The following PRKCB variants were observed in gnomAD, a reference collection of about 807,000 sequenced individuals.
PRKCB encodes the protein protein kinase C beta type.
A neutral mutation model predicts 81.5 loss-of-function variants in PRKCB; 13 were observed. That is an observed-to-expected ratio of 0.16 (90% CI 0.10 to 0.25). The LOEUF is 0.25. PRKCB is among the 10% of genes least tolerant of loss of function. PRKCB has a pLI of 1.00. For missense variants in PRKCB, 509 were observed against 875.7 expected (o/e 0.58, Z 5.29); for synonymous variants, 335 against 321.4 (o/e 1.04, Z -0.45).
intron 2 of PRKCB, among the ~76,000 whole-genome samples, chr16:23,931,937 A>G (rs1276593764): frequency 6.6e-6 from 1 of 152,216 alleles, no homozygotes; most frequent in Non-Finnish European, 1.5e-5. Flanking sequence ...ATATAATTTC[A>G]GTAATTATCA....
At chr16:24,163,695 G>A (rs1351601762) in intron 10 of PRKCB, among the ~76,000 whole-genome samples, 1 of 152,258 alleles carries the variant, frequency 6.6e-6, no homozygotes, top group African/African-American at 2.4e-5. Context: ...GGAAAGTTGT[G>A]TGTGAACACA....
chr16:23,951,259 C>T (rs191378457), intron 2 of PRKCB, among the ~76,000 whole-genome samples: 1 of 152,258 alleles, frequency 6.6e-6, no homozygotes, highest in Admixed American at 6.5e-5. Flanking sequence ...CACGTGGTTG[C>T]CAATACTGGG....
intron 5 of PRKCB, among the ~76,000 whole-genome samples, chr16:24,089,350 T>C (rs1321320233): frequency 6.6e-6 from 1 of 152,158 alleles, no homozygotes; most frequent in Non-Finnish European, 1.5e-5. Context: ...TTATGCACAC[T>C]AAGGTTTAAG....
At chr16:23,974,517 G>T (rs1481948272) in intron 2 of PRKCB, among the ~76,000 whole-genome samples, 1 of 152,182 alleles carries the variant, frequency 6.6e-6, no homozygotes, top group Non-Finnish European at 1.5e-5. Context: ...CAGGACTGAG[G>T]CAGGCCGACT....
chr16:24,124,859 C>T (rs532850929), intron 9 of PRKCB, among the ~76,000 whole-genome samples: 7 of 152,142 alleles, frequency 4.6e-5, no homozygotes, highest in Non-Finnish European at 1.0e-4. Context: ...TTCCTGGCCA[C>T]CGCCCCCCAC....
At chr16:23,899,957 G>A (rs1963444321) in intron 2 of PRKCB, among the ~76,000 whole-genome samples, 1 of 152,116 alleles carries the variant, frequency 6.6e-6, no homozygotes, top group African/African-American at 2.4e-5. Context: ...AAAGTGCAGG[G>A]ATTACAGTTA....
chr16:24,078,326 G>A (rs1278012920), intron 5 of PRKCB, among the ~76,000 whole-genome samples: 5 of 152,196 alleles, frequency 3.3e-5, no homozygotes, highest in Admixed American at 6.5e-5. Flanking sequence ...CCCATGGCAC[G>A]CCATCCTGGT....
intron 2 of PRKCB, among the ~76,000 whole-genome samples, chr16:23,938,834 A>C (rs9924991): frequency 0.4 from 60,226 of 152,094 alleles, 12,222 homozygotes; most frequent in South Asian, 0.55. Flanking sequence ...TGTTCAACAT[A>C]GTGCTGTATG....
intron 7 of PRKCB, among the ~76,000 whole-genome samples, chr16:24,097,767 T>C (rs1966462400): frequency 6.6e-6 from 1 of 152,274 alleles, no homozygotes; most frequent in South Asian, 2.1e-4. Flanking sequence ...CAACTAAAAG[T>C]GGGACGGGGA....
intron 1 of PRKCB, 98 bp from the exon 2 acceptor site, chr16:23,837,277 G>A: frequency 1.4e-6 from 2 of 1,480,060 alleles, no homozygotes; most frequent in South Asian, 2.3e-5. Flanking sequence ...TGCACCTGGG[G>A]TACAGAGGCA....
intron 2 of PRKCB, among the ~76,000 whole-genome samples, chr16:23,938,926 T>G (rs1340456649): frequency 6.6e-6 from 1 of 152,218 alleles, no homozygotes; most frequent in Admixed American, 6.5e-5. Flanking sequence ...AAAACTGTAT[T>G]TATTTGCAAA....
At chr16:23,957,733 T>C (rs1431249389) in intron 2 of PRKCB, among the ~76,000 whole-genome samples, 2 of 151,654 alleles carry the variant, frequency 1.3e-5, no homozygotes. Flanking sequence ...CATCTGGCCA[T>C]CACCAGGGTA....
intron 2 of PRKCB, among the ~76,000 whole-genome samples, chr16:23,903,005 C>A (rs570759795): frequency 2.2e-3 from 172 of 77,696 alleles, no homozygotes; most frequent in African/African-American, 0.011. Context: ...TTTTTTTTTT[C>A]CTTTTTCTGT....
At chr16:24,190,379 G>A (rs993239543) in intron 15 of PRKCB, among the ~76,000 whole-genome samples, 1 of 152,048 alleles carries the variant, frequency 6.6e-6, no homozygotes, top group Non-Finnish European at 1.5e-5. Flanking sequence ...GTGGGAGGAG[G>A]GAAGTTTGAA....
At chr16:24,076,596 A>G (rs1001397191) in intron 5 of PRKCB, among the ~76,000 whole-genome samples, 1 of 152,066 alleles carries the variant, frequency 6.6e-6, no homozygotes. Context: ...TGGGGGGAGG[A>G]GCCTCAGGGT....
chr16:24,118,377 C>G (rs1175194119), intron 8 of PRKCB, among the ~76,000 whole-genome samples: 3 of 152,244 alleles, frequency 2.0e-5, no homozygotes, highest in Admixed American at 1.3e-4. Flanking sequence ...TTGTCTCCCC[C>G]TTCGGGATAA....
intron 2 of PRKCB, among the ~76,000 whole-genome samples, chr16:23,962,070 C>G (rs1964433328): frequency 6.6e-6 from 1 of 152,156 alleles, no homozygotes; most frequent in South Asian, 2.1e-4. Context: ...GTTCATTTAT[C>G]TGCTCTTCTC....
chr16:23,998,552 C>G (rs1964989362), intron 3 of PRKCB, among the ~76,000 whole-genome samples: 1 of 152,120 alleles, frequency 6.6e-6, no homozygotes, highest in African/African-American at 2.4e-5. Context: ...TCTGTGTGAC[C>G]TTGGACAAAT....
intron 5 of PRKCB, among the ~76,000 whole-genome samples, chr16:24,046,986 G>T (rs954427348): frequency 6.6e-6 from 1 of 151,974 alleles, no homozygotes; most frequent in African/African-American, 2.4e-5. Flanking sequence ...AGGATCATCA[G>T]TTGAGGCCAC....
Sources: allele counts gnomAD v4.1 joint callset (sites outside exome capture counted in the v4.1 genomes callset), GRCh38; gene constraint gnomAD v4.1.1; transcripts MANE v1.5; gene names NCBI Gene and HGNC (gene_info 2026-07-23, HGNC 2026-07-21).